THSD4: variants seen among roughly 807,000 people sequenced by gnomAD.
The protein encoded by THSD4 is thrombospondin type 1 domain containing 4.
A neutral mutation model predicts 119.0 loss-of-function variants in THSD4; 69 were observed. That is an observed-to-expected ratio of 0.58 (90% CI 0.48 to 0.71). THSD4 has a LOEUF of 0.71. Among genes scored for constraint, THSD4 ranks in the 30% least tolerant of loss-of-function variants. The pLI is 0.00. For missense variants in THSD4, 1,393 were observed against 1,391.1 expected (o/e 1.00, Z -0.02); for synonymous variants, 524 against 540.4 (o/e 0.97, Z 0.42).
intron 7 of THSD4, among the ~76,000 whole-genome samples, chr15:71,643,430 T>C (rs1243750623): frequency 2.6e-5 from 4 of 151,514 alleles, no homozygotes; most frequent in African/African-American, 7.4e-5. Flanking sequence ...TAGTACCCAA[T>C]AGTTATTTTT....
chr15:71,345,584 C>T (rs1277525413), intron 6 of THSD4, among the ~76,000 whole-genome samples: 1 of 152,146 alleles, frequency 6.6e-6, no homozygotes, highest in Non-Finnish European at 1.5e-5. Flanking sequence ...GGGGTGGCTT[C>T]TCTGAGTTTT....
intron 7 of THSD4, among the ~76,000 whole-genome samples, chr15:71,451,506 T>C (rs1197349997): frequency 1.3e-5 from 2 of 152,154 alleles, no homozygotes; most frequent in African/African-American, 4.8e-5. Context: ...GCTCCCCAAG[T>C]GCCTTCACTT....
At chr15:71,568,181 C>T (rs552238946) in intron 7 of THSD4, among the ~76,000 whole-genome samples, 3 of 152,126 alleles carry the variant, frequency 2.0e-5, no homozygotes, top group African/African-American at 7.2e-5. Context: ...TTTTTTTTAA[C>T]GAGGACTCCC....
At chr15:71,267,887 A>G (rs914252217) in intron 6 of THSD4, among the ~76,000 whole-genome samples, 1 of 152,218 alleles carries the variant, frequency 6.6e-6, no homozygotes, top group African/African-American at 2.4e-5. Context: ...TGGTAAAGGG[A>G]TCAATGCAAC....
intron 6 of THSD4, among the ~76,000 whole-genome samples, chr15:71,275,600 CT>C (rs1199848099): frequency 6.6e-6 from 1 of 152,144 alleles, no homozygotes; most frequent in Non-Finnish European, 1.5e-5. Flanking sequence ...ATCAGACATT[CT>C]CACCCCACTG....
intron 6 of THSD4, among the ~76,000 whole-genome samples, chr15:71,268,015 A>G (rs1462774863): frequency 6.6e-6 from 1 of 152,168 alleles, no homozygotes; most frequent in East Asian, 1.9e-4. Flanking sequence ...ATAGTGGGAG[A>G]CTTTAACACC....
chr15:71,689,616 T>C (rs2052002234), intron 8 of THSD4, among the ~76,000 whole-genome samples: 1 of 152,232 alleles, frequency 6.6e-6, no homozygotes, highest in Non-Finnish European at 1.5e-5. Flanking sequence ...GAAAAAGACC[T>C]ACACCATCCT....
intron 7 of THSD4, among the ~76,000 whole-genome samples, chr15:71,484,162 AC>A (rs1401162627): frequency 6.6e-6 from 1 of 152,128 alleles, no homozygotes; most frequent in Non-Finnish European, 1.5e-5. Context: ...TGGAACGGAA[AC>A]TTTTGGAATA....
chr15:71,110,224 GA>G, intron 1 of THSD4: 1 of 152,352 alleles, frequency 6.6e-6, no homozygotes, highest in Non-Finnish European at 1.5e-5. Context: ...TCCCAGGAAG[GA>G]AAAGGCAGAC....
At chr15:71,546,978 G>A (rs574199279) in intron 7 of THSD4, among the ~76,000 whole-genome samples, 7 of 152,260 alleles carry the variant, frequency 4.6e-5, no homozygotes, top group Admixed American at 2.0e-4. Context: ...TTCCCAGCCC[G>A]GAGCTCATCC....
In THSD4 at chr15:71,395,912, G is replaced by GACAC. The variant is rs148711899; in HGVS notation, c.1016-15774_1016-15773insCACA. Among the ~76,000 whole-genome samples, 239 of 109,590 alleles carry GACAC rather than the reference G, an allele frequency of 2.2e-3. 3 individuals carry two copies. The highest frequency in any genetic ancestry group is 8.8e-3 in the East Asian group (34 of 3,852). The allele number at this position is 109,590 out of a possible 152,430, so 71.9% of individuals were successfully genotyped here. The stretch of plus-strand genomic sequence containing the variant: ...AGTCTGCTTCTCAGTGTTTTGAAGA[G>GACAC]AGACACACACACACACACACACACA... On this transcript the variant is annotated intron_variant, in intron 6 of 17. Transcript: ENST00000261862.
intron 5 of THSD4, among the ~76,000 whole-genome samples, chr15:71,251,103 G>C (rs528559785): frequency 1.3e-5 from 2 of 152,180 alleles, no homozygotes; most frequent in Admixed American, 1.3e-4. Context: ...GGTTGAGTTT[G>C]TTCTGTGTAA....
At position 71,172,546 on chromosome 15, in the gene THSD4, AAAG is replaced by A. The variant is rs1349334619; in HGVS notation, c.99+17623_99+17625del. Among the ~76,000 whole-genome samples the A allele has an allele frequency of 8.0e-5, 12 of 150,786 alleles. No homozygotes were observed. In the South Asian group the frequency reaches 1.0e-3, roughly 13 times the overall value. ...CTAAAATAGCCAAAACAAATTTCAG[AAAG>A]AAGAAGAAAATTGCAAGACTTGTAC... On this transcript the variant is annotated intron_variant, in intron 3 of 17. Transcript: ENST00000261862.
At chr15:71,172,218 A>T (rs2043373634) in intron 3 of THSD4, 1 of 152,086 alleles carries the variant, frequency 6.6e-6, no homozygotes, top group Non-Finnish European at 1.5e-5. Flanking sequence ...CCAGCTACTT[A>T]GTAGGCTGAG....
intron 7 of THSD4, among the ~76,000 whole-genome samples, chr15:71,517,783 C>G (rs1472828328): frequency 6.6e-6 from 1 of 152,204 alleles, no homozygotes; most frequent in Non-Finnish European, 1.5e-5. Flanking sequence ...TGCTTCTCTT[C>G]AGGCCCATGG....
At chr15:71,661,472 T>C (rs2051306823) in intron 8 of THSD4, among the ~76,000 whole-genome samples, 1 of 151,992 alleles carries the variant, frequency 6.6e-6, no homozygotes, top group Admixed American at 6.6e-5. Context: ...TTTTGCTCAC[T>C]GCAGCCTCCG....
chr15:71,663,549 T>C (rs2051354924), intron 8 of THSD4, among the ~76,000 whole-genome samples: 1 of 152,230 alleles, frequency 6.6e-6, no homozygotes, highest in Non-Finnish European at 1.5e-5. Context: ...AATTCATCCT[T>C]TTGAAGTGTA....
At chr15:71,614,307 G>A (rs2050285345) in intron 7 of THSD4, among the ~76,000 whole-genome samples, 1 of 152,170 alleles carries the variant, frequency 6.6e-6, no homozygotes, top group African/African-American at 2.4e-5. Flanking sequence ...GAGGACACTA[G>A]AAGTTGCCTA....
intron 7 of THSD4, among the ~76,000 whole-genome samples, chr15:71,574,795 C>T (rs1333595603): frequency 1.3e-5 from 2 of 152,120 alleles, no homozygotes. Flanking sequence ...CACATTTCCA[C>T]AGGAATTGAT....
Sources: allele counts gnomAD v4.1 joint callset (sites outside exome capture counted in the v4.1 genomes callset), GRCh38; gene constraint gnomAD v4.1.1; transcripts MANE v1.5; gene names NCBI Gene and HGNC (gene_info 2026-07-23, HGNC 2026-07-21).